SLF1: variants seen among roughly 807,000 people sequenced by gnomAD.
The protein encoded by SLF1 is SMC5-SMC6 complex localization factor protein 1.
Under a neutral mutation model 123.0 loss-of-function variants are expected in SLF1, and 105 were observed. The observed-to-expected ratio is 0.85, with a 90% confidence interval of 0.73 to 1.00. The LOEUF (loss-of-function observed/expected upper bound fraction) is 1.00, where lower values mean the gene tolerates loss of function less well. Ranked by LOEUF, SLF1 falls within the 50% of genes least tolerant of loss-of-function variation. SLF1 has a pLI of 0.00. For synonymous variants in SLF1, 434 were observed against 406.6 expected, an observed-to-expected ratio of 1.07 and a Z score of -0.81; for missense variants, 1,239 against 1,223.0, an observed-to-expected ratio of 1.01 and a Z score of -0.20.
chr5:94,640,294 G>A (rs891063608), intron 4 of SLF1, among the ~76,000 whole-genome samples: 13 of 152,000 alleles, frequency 8.6e-5, no homozygotes, highest in African/African-American at 1.7e-4. Flanking sequence ...ACTTTAATTC[G>A]TAATTAAAGA....
rs1394140389 is a variant in SLF1 at position 94,643,411 on chromosome 5, G to T, written c.570G>T (p.Gln190His). 1 of 1,492,496 alleles carries T rather than the reference G, an allele frequency of 6.7e-7. No homozygotes were observed. The allele number at this position is 1,492,496 out of a possible 1,614,324, so 92.5% of individuals were successfully genotyped here. A position where few individuals can be genotyped will look rare whatever the true frequency, so the allele number is the denominator to read the frequency against. ...DNFKAPFYPI[Q>H]YLGDFLLEKE... ...TTAAGGCTCCATTTTATCCAATTCA[G>T]TATCTAGGGGATTTTCTTTTAGAGG... is the stretch of plus-strand genomic sequence containing the variant. Residue 190 changes from glutamine (Q) to histidine (H), a missense_variant, in exon 5 of 21, where the codon CAG (glutamine) becomes CAT (histidine). By Grantham distance (24) the Gln-to-His change is conservative. Coordinates refer to ENST00000265140, the MANE Select transcript of SLF1 (RefSeq NM_032290.4).
intron 14 of SLF1, among the ~76,000 whole-genome samples, chr5:94,671,646 TTTAA>T (rs1165205180): frequency 6.7e-6 from 1 of 150,034 alleles, no homozygotes; most frequent in East Asian, 1.9e-4. Context: ...GCTCTTTTCT[TTTAA>T]TTTTTTTTTT....
chr5:94,675,291 T>G (rs1264126555), intron 14 of SLF1, among the ~76,000 whole-genome samples: 1 of 152,256 alleles, frequency 6.6e-6, no homozygotes, highest in African/African-American at 2.4e-5. Context: ...TTAAACATAT[T>G]AGAAAGGAAT....
chr5:94,629,050 C>G, intron 2 of SLF1, 42 bp from the exon 3 acceptor site: 1 of 1,491,674 alleles, frequency 6.7e-7, no homozygotes, highest in Non-Finnish European at 9.1e-7. Flanking sequence ...TAAAGGGAGT[C>G]TTACTTTAGT....
At position 94,653,269 on chromosome 5, in the gene SLF1, T is replaced by C; in HGVS notation, c.883-3T>C. 2.6e-6 allele frequency: 4 copies of C among 1,519,946 alleles called. No individual in the cohort carries two copies. Among genetic ancestry groups the C allele is most frequent in the Non-Finnish European group, 3.5e-6 (4 of 1,134,404 alleles). The allele number at this position is 1,519,946 out of a possible 1,614,324, so 94.2% of individuals were successfully genotyped here. ...GATTTAATTGTGGTCTAAATACATG[T>C]AGAAGGAAATTAAGAAAAAAGATGA... is the stretch of plus-strand genomic sequence containing the variant. On this transcript the variant is annotated splice_polypyrimidine_tract_variant and splice_region_variant and intron_variant, in intron 7 of 20. Transcript: ENST00000265140.
Position 94,654,634 on chromosome 5 carries a change from A to T in SLF1, c.1037A>T (p.Glu346Val). The T allele has an allele frequency of 6.5e-7, 1 of 1,536,752 alleles. No individual in the cohort carries two copies. Among genetic ancestry groups the T allele is most frequent in the Admixed American group, 2.0e-5 (1 of 49,172 alleles). The change falls in exon 9 of 21, where the codon GAA becomes GTA. Residue 346 changes from glutamate to valine, a missense_variant. Transcript: ENST00000265140. The part of the protein sequence containing the change: ...RRHIYNRDQK[E>V]MKNSIFAEYA... The stretch of plus-strand genomic sequence containing the variant: ...ATTTTACTTTGCTATATGCAGAAAG[A>T]AATGAAGAATTCTATTTTTGCTGAA...
chr5:94,621,876 ATATT>A (rs1487751654), intron 1 of SLF1, among the ~76,000 whole-genome samples: 4 of 116,674 alleles, frequency 3.4e-5, no homozygotes, highest in African/African-American at 1.5e-4. Flanking sequence ...CAAATAATTA[ATATT>A]TATACACACA....
intron 9 of SLF1, 76 bp downstream of exon 9, chr5:94,654,828 C>T: frequency 3.8e-5 from 37 of 982,118 alleles, no homozygotes; most frequent in Non-Finnish European, 4.6e-5. Context: ...ATTATATATA[C>T]ATATATACAT....
rs561197322 is a variant in SLF1 at position 94,653,280 on chromosome 5, T to A, written c.891T>A (p.Ile297=). Residue 297 remains isoleucine (I), a synonymous_variant, in exon 8 of 21, where the codon ATT becomes ATA. Coordinates refer to ENST00000265140, the MANE Select transcript of SLF1 (RefSeq NM_032290.4). The stretch of plus-strand genomic sequence containing the variant: ...GGTCTAAATACATGTAGAAGGAAAT[T>A]AAGAAAAAAGATGAAGATATTCAGA... The part of the protein sequence containing the change: ...GSHTYENQKE[I]KKKDEDIQRS... 226 of 1,523,078 alleles carry A rather than the reference T, an allele frequency of 1.5e-4. 6 individuals are homozygous for A. In the South Asian group the frequency reaches 2.7e-3, roughly 18 times the overall value. The allele number at this position is 1,523,078 out of a possible 1,614,324, so 94.3% of individuals were successfully genotyped here. A position where few individuals can be genotyped will look rare whatever the true frequency, so the allele number is the denominator to read the frequency against.
rs2152490234 is a variant in SLF1, at chr5:94,670,947, C to G, written c.1766C>G (p.Pro589Arg). ...GAAACCTCTGGGCTTTTGACCAAAC[C>G]AGTAAATATGCTTTTGGAATGGACT... ...GSETSGLLTKPVNMLLEWTIY... is the reference protein window; with the variant it reads ...GSETSGLLTKRVNMLLEWTIY... The change falls in exon 14 of 21, where the codon CCA becomes CGA. Residue 589 changes from proline to arginine, a missense_variant. Transcript: ENST00000265140. 1 of 1,549,502 alleles carries G rather than the reference C, an allele frequency of 6.5e-7. No homozygotes were observed. Among genetic ancestry groups the G allele is most frequent in the East Asian group, 2.5e-5 (1 of 40,792 alleles).
chr5:94,651,048 G>A (rs1747660904), intron 6 of SLF1, among the ~76,000 whole-genome samples: 1 of 152,122 alleles, frequency 6.6e-6, no homozygotes, highest in African/African-American at 2.4e-5. Flanking sequence ...GTATCTTATA[G>A]TCCCATAAGA....
At chr5:94,643,536 G>A in intron 5 of SLF1, 101 bp downstream of exon 5, 4 of 840,834 alleles carry the variant, frequency 4.8e-6, no homozygotes, top group Non-Finnish European at 6.6e-6. Flanking sequence ...TCTAAATTTT[G>A]AAACTACATT....
chr5:94,678,785 AT>A, intron 14 of SLF1, 22 bp from the exon 15 acceptor site: 3 of 1,584,936 alleles, frequency 1.9e-6, no homozygotes, highest in African/African-American at 1.4e-5. Flanking sequence ...TATTTTAGTA[AT>A]TTTTTTGTAT....
intron 4 of SLF1, among the ~76,000 whole-genome samples, chr5:94,637,585 T>C (rs1466108345): frequency 6.6e-6 from 1 of 152,030 alleles, no homozygotes; most frequent in Non-Finnish European, 1.5e-5. Context: ...CTATGCTTAG[T>C]ACAAATTACA....
chr5:94,657,439 T>G (rs13361811), intron 9 of SLF1, among the ~76,000 whole-genome samples: 38,204 of 151,928 alleles, frequency 0.25, 5,143 homozygotes, highest in Non-Finnish European at 0.29. Context: ...TTCAAATGTG[T>G]TGAGATTTGT....
In SLF1 at chr5:94,692,216, C is replaced by A. The variant is rs145747395; in HGVS notation, c.2655C>A (p.Asn885Lys). The change falls in exon 20 of 21, where the codon AAC becomes AAA. Residue 885 changes from asparagine (N) to lysine (K), a missense_variant. Physicochemically the swap from Asn to Lys is moderately conservative, Grantham distance 94. Transcript: ENST00000265140. The part of the protein sequence containing the change: ...GVTPLHDALS[N>K]GHVEIGKLLL... ...CTCCTTTGCATGATGCACTGTCAAACGGACATGTAGAAATTGGCAAGCTGC... is the reference window on the plus strand; with the variant it reads ...CTCCTTTGCATGATGCACTGTCAAAAGGACATGTAGAAATTGGCAAGCTGC... The A allele has an allele frequency of 1.2e-6, 2 of 1,613,588 alleles. No individual in the cohort carries two copies. The highest frequency in any genetic ancestry group is 1.3e-5 in the African/African-American group (1 of 74,874).
At chr5:94,645,701 A>G (rs1030927647) in intron 5 of SLF1, among the ~76,000 whole-genome samples, 1 of 152,342 alleles carries the variant, frequency 6.6e-6, no homozygotes. Context: ...TAGTATATCA[A>G]CCAGATAGCA....
chr5:94,665,884 T>C lies in SLF1; in HGVS notation c.1392T>C (p.Gly464=), dbSNP rs1224007852. The C allele has an allele frequency of 1.2e-5, 18 of 1,547,236 alleles. No individual in the cohort carries two copies. The highest frequency in any genetic ancestry group is 5.9e-5 in the Admixed American group (3 of 50,986). Residue 464 remains glycine, a synonymous_variant, in exon 12 of 21, where the codon GGT becomes GGC. Transcript: ENST00000265140. ...AGGATAACATAGATACATTTTCTGG[T>C]CGATACTTTCATATATTGTCAGCTC... ...VLQDNIDTFS[G]RYFHILSALL... is the part of the protein sequence containing the mutation.
In SLF1 at chr5:94,633,215, G is replaced by A. The variant is rs539381197; in HGVS notation, c.431+2472G>A. ...TTGGTTAGGCTGGTCTCAAACTCCC[G>A]ACCTCAGGTGATCCGCCCACCTCGG... On this transcript the variant is annotated intron_variant, in intron 4 of 20. Coordinates refer to ENST00000265140, the MANE Select transcript of SLF1 (RefSeq NM_032290.4). Among the ~76,000 whole-genome samples, 253 of 151,610 alleles carry A rather than the reference G, an allele frequency of 1.7e-3. 1 individual carries two copies. In the South Asian group the frequency reaches 0.019, roughly 11 times the overall value.
Sources: gnomAD v4.1 joint callset for allele counts (sites outside exome capture counted in the v4.1 genomes callset) on GRCh38, gnomAD v4.1.1 for gene constraint, MANE v1.5 for transcripts, NCBI Gene and HGNC (gene_info 2026-07-23, HGNC 2026-07-21) for gene names.